CELF4: variants seen among roughly 807,000 people sequenced by gnomAD.
CELF4 encodes the protein CUGBP Elav-like family member 4, also known as CUG-BP- and ETR-3-like factor 4.
In CELF4, 18 loss-of-function variants were observed where a neutral mutation model predicts 59.9. The ratio of observed to expected loss-of-function variants is 0.30; its 90% CI spans 0.21 to 0.45. The LOEUF (loss-of-function observed/expected upper bound fraction) is 0.45, where lower values mean the gene tolerates loss of function less well. CELF4 is among the 20% of genes least tolerant of loss of function. CELF4 has a pLI of 1.00. For synonymous variants in CELF4, 261 were observed against 267.1 expected (o/e 0.98, Z 0.22); for missense variants, 456 against 689.0 (o/e 0.66, Z 3.79).
chr18:37,543,810 A>G (rs891785417), intron 1 of CELF4, among the ~76,000 whole-genome samples: 8 of 152,210 alleles, frequency 5.3e-5, no homozygotes, highest in East Asian at 1.9e-4. Context: ...CTGGGGACCA[A>G]TTGATGGCCC....
At chr18:37,550,480 A>G (rs1275667146) in intron 1 of CELF4, among the ~76,000 whole-genome samples, 1 of 152,188 alleles carries the variant, frequency 6.6e-6, no homozygotes, top group Admixed American at 6.5e-5. Context: ...CTGTACCCAG[A>G]CCAAGCTAAG....
chr18:37,348,988 C>G (rs1474594135), intron 2 of CELF4, among the ~76,000 whole-genome samples: 1 of 152,154 alleles, frequency 6.6e-6, no homozygotes, highest in African/African-American at 2.4e-5. Flanking sequence ...TGGCCCCTGA[C>G]CTTGCCTGCT....
At chr18:37,426,224 G>A (rs1309818680) in intron 2 of CELF4, among the ~76,000 whole-genome samples, 5 of 152,220 alleles carry the variant, frequency 3.3e-5, no homozygotes, top group Non-Finnish European at 5.9e-5. Context: ...GCAGGGGGAA[G>A]AATATCGGGA....
At chr18:37,357,684 C>A (rs533746412) in intron 2 of CELF4, among the ~76,000 whole-genome samples, 4 of 152,308 alleles carry the variant, frequency 2.6e-5, no homozygotes, top group East Asian at 3.9e-4. Flanking sequence ...ACACTCAACA[C>A]CAGCCTGTGA....
chr18:37,282,184 C>A (rs2094222790), intron 3 of CELF4, among the ~76,000 whole-genome samples: 1 of 152,104 alleles, frequency 6.6e-6, no homozygotes, highest in Non-Finnish European at 1.5e-5. Flanking sequence ...CCCATGGGAA[C>A]CCCAGCTGGC....
intron 5 of CELF4, 31 bp from the exon 6 acceptor site, chr18:37,274,485 T>C: frequency 6.2e-7 from 1 of 1,610,766 alleles, no homozygotes; most frequent in Non-Finnish European, 8.5e-7. Flanking sequence ...GAGACCCACC[T>C]GCTCCAGAGC....
chr18:37,490,109 T>C (rs1265725097), intron 1 of CELF4, among the ~76,000 whole-genome samples: 1 of 152,194 alleles, frequency 6.6e-6, no homozygotes, highest in African/African-American at 2.4e-5. Flanking sequence ...TGTACCAGCA[T>C]GGAAAGCCAC....
At chr18:37,513,435 C>A (rs1182106824) in intron 1 of CELF4, among the ~76,000 whole-genome samples, 3 of 152,162 alleles carry the variant, frequency 2.0e-5, no homozygotes, top group Non-Finnish European at 2.9e-5. Context: ...AGGTGTTCAG[C>A]AAATGTGTGT....
rs190783197 is a variant in CELF4, at chr18:37,413,488, A to C, written c.369+72037T>G. ...TACAGAGGGCCTGAAAACAGGCCACACAGGAAATGAGACAATTTTTGTTCC... is the reference window on the plus strand; with the variant it reads ...TACAGAGGGCCTGAAAACAGGCCACCCAGGAAATGAGACAATTTTTGTTCC... On this transcript the variant is annotated intron_variant, in intron 2 of 12. Transcript: ENST00000420428. Among the ~76,000 whole-genome samples the C allele has an allele frequency of 5.7e-4, 87 of 152,292 alleles. 1 individual carries two copies. The highest frequency in any genetic ancestry group is 2.0e-3 in the Admixed American group (31 of 15,296).
chr18:37,458,025 C>T (rs1023666020), intron 2 of CELF4, among the ~76,000 whole-genome samples: 4 of 152,082 alleles, frequency 2.6e-5, no homozygotes, highest in Admixed American at 6.5e-5. Context: ...GTGGTGATTT[C>T]GTTCCAATAA....
At chr18:37,402,127 T>C (rs1453290748) in intron 2 of CELF4, among the ~76,000 whole-genome samples, 1 of 152,198 alleles carries the variant, frequency 6.6e-6, no homozygotes, top group Non-Finnish European at 1.5e-5. Flanking sequence ...CCTTCCTTTT[T>C]TATTTCTGAG....
At chr18:37,499,789 G>A (rs927442729) in intron 1 of CELF4, among the ~76,000 whole-genome samples, 1 of 152,174 alleles carries the variant, frequency 6.6e-6, no homozygotes, top group African/African-American at 2.4e-5. Context: ...TGTAAAGTGG[G>A]TTTGATGATC....
intron 2 of CELF4, among the ~76,000 whole-genome samples, chr18:37,339,327 G>C (rs1603618319): frequency 6.6e-6 from 1 of 152,216 alleles, no homozygotes; most frequent in Non-Finnish European, 1.5e-5. Flanking sequence ...TGACCAGAAA[G>C]TGGGGGCTTG....
At chr18:37,390,272 C>T (rs1169640619) in intron 2 of CELF4, among the ~76,000 whole-genome samples, 6 of 152,140 alleles carry the variant, frequency 3.9e-5, no homozygotes, top group Non-Finnish European at 7.4e-5. Context: ...TTCTTCCTCT[C>T]GGTTCCAGGA....
chr18:37,475,972 CTGCATACTTGA>C (rs2099847757), intron 2 of CELF4, among the ~76,000 whole-genome samples: 2 of 152,228 alleles, frequency 1.3e-5, no homozygotes, highest in Non-Finnish European at 2.9e-5. Flanking sequence ...ATGGTCCAAA[CTGCATACTTGA>C]GCCATTCTAT....
intron 2 of CELF4, among the ~76,000 whole-genome samples, chr18:37,367,199 ATGG>A (rs911940001): frequency 1.6e-4 from 24 of 151,962 alleles, no homozygotes; most frequent in Non-Finnish European, 2.8e-4. Flanking sequence ...GGTGGTGGTG[ATGG>A]TGGTGGTGGC....
chr18:37,352,879 A>T (rs2098470652), intron 2 of CELF4, among the ~76,000 whole-genome samples: 2 of 152,098 alleles, frequency 1.3e-5, no homozygotes, highest in East Asian at 3.9e-4. Flanking sequence ...ACGGGGTGGA[A>T]CAGCGCCTTG....
intron 2 of CELF4, among the ~76,000 whole-genome samples, chr18:37,375,421 G>A (rs1435044250): frequency 6.6e-6 from 1 of 152,140 alleles, no homozygotes; most frequent in Admixed American, 6.5e-5. Flanking sequence ...CTTCAGCAAG[G>A]GGGCAGGGAC....
At chr18:37,290,287 A>C (rs1419806183) in intron 3 of CELF4, among the ~76,000 whole-genome samples, 1 of 152,208 alleles carries the variant, frequency 6.6e-6, no homozygotes, top group Admixed American at 6.5e-5. Context: ...TGCTGGCTGC[A>C]TCAGAAAGCT....
Sources: allele counts gnomAD v4.1 joint callset (sites outside exome capture counted in the v4.1 genomes callset), GRCh38; gene constraint gnomAD v4.1.1; transcripts MANE v1.5; gene names NCBI Gene and HGNC (gene_info 2026-07-23, HGNC 2026-07-21).